TULP4: variants seen among roughly 807,000 people sequenced by gnomAD.
TULP4 encodes the protein TUB like protein 4, also known as tubby-related protein 4.
TULP4 carries 16 observed loss-of-function variants against 129.0 expected under a neutral mutation model. The ratio of observed to expected loss-of-function variants is 0.12; its 90% CI spans 0.08 to 0.19. TULP4 has a LOEUF of 0.19. TULP4 is among the 10% of genes least tolerant of loss of function. TULP4 has a pLI of 1.00. For missense variants in TULP4, 1,842 were observed against 2,059.1 expected, an observed-to-expected ratio of 0.89 and a Z score of 2.04; for synonymous variants, 998 against 854.0, an observed-to-expected ratio of 1.17 and a Z score of -2.94.
Position 158,313,703 on chromosome 6 carries a change from C to T in TULP4, c.-314C>T, listed in dbSNP as rs568283543. On this transcript the variant is annotated 5_prime_UTR_variant, in exon 1 of 14. The change creates a new upstream start codon in the 5' untranslated region. Coordinates refer to ENST00000367097, the MANE Select transcript of TULP4 (RefSeq NM_020245.5). ...CGTTTCTTGATCACCACTTAATTAACGATGCTCTTTCTCCAAAGGATCAGC... is the reference window on the plus strand; with the variant it reads ...CGTTTCTTGATCACCACTTAATTAATGATGCTCTTTCTCCAAAGGATCAGC... 33 of 466,904 alleles carry T rather than the reference C, an allele frequency of 7.1e-5. No individual in the cohort carries two copies. In the South Asian group the frequency reaches 1.6e-3, roughly 22 times the overall value. The allele number at this position is 466,904 out of a possible 1,614,324, so 28.9% of individuals were successfully genotyped here. A position where few individuals can be genotyped will look rare whatever the true frequency, so the allele number is the denominator to read the frequency against.
chr6:158,494,105 G>A (rs1055023694), intron 10 of TULP4, among the ~76,000 whole-genome samples: 2 of 152,012 alleles, frequency 1.3e-5, no homozygotes, highest in Admixed American at 6.6e-5. Flanking sequence ...CCTCCTCCTC[G>A]TTTCTGCCCC....
intron 3 of TULP4, among the ~76,000 whole-genome samples, chr6:158,446,529 C>CCT (rs551705088): frequency 1.8e-4 from 28 of 152,280 alleles, no homozygotes; most frequent in African/African-American, 6.7e-4. Context: ...ATTCAAAAGA[C>CCT]CTTTCAATGC....
intron 11 of TULP4, among the ~76,000 whole-genome samples, chr6:158,497,895 C>T (rs1008933177): frequency 6.6e-6 from 1 of 152,264 alleles, no homozygotes; most frequent in African/African-American, 2.4e-5. Context: ...TGCTACCTGT[C>T]TCACAGGAGA....
intron 5 of TULP4, among the ~76,000 whole-genome samples, chr6:158,453,402 T>C (rs570350225): frequency 1.4e-5 from 2 of 140,048 alleles, no homozygotes; most frequent in East Asian, 2.1e-4. Flanking sequence ...GAGAATGGCA[T>C]GAACCCGAGA....
chr6:158,269,978 GGAAAAAACAAAAACACTGAGTTTTT>G (rs1349788052), intron 1 of TULP4, among the ~76,000 whole-genome samples: 45 of 152,082 alleles, frequency 3.0e-4, no homozygotes, highest in African/African-American at 1.1e-3. Flanking sequence ...TCTAGATCTA[GGAAAAAACAAAAACACTGAGTTTTT>G]GAAAAGGCTA....
chr6:158,416,791 T>G (rs1344729546), intron 2 of TULP4, among the ~76,000 whole-genome samples: 2 of 152,224 alleles, frequency 1.3e-5, no homozygotes, highest in East Asian at 3.8e-4. Flanking sequence ...TCCTGCAAGC[T>G]CCATTCATGG....
chr6:158,243,139 A>G (rs1394904288), intron 1 of TULP4, among the ~76,000 whole-genome samples: 1 of 152,120 alleles, frequency 6.6e-6, no homozygotes, highest in African/African-American at 2.4e-5. Flanking sequence ...GTAATAAAGC[A>G]CTGTATCTTG....
chr6:158,426,075 T>G (rs1778484355), intron 2 of TULP4, among the ~76,000 whole-genome samples: 1 of 152,350 alleles, frequency 6.6e-6, no homozygotes, highest in Non-Finnish European at 1.5e-5. Context: ...TTAATGGGGT[T>G]GTTTTCTTGT....
intron 1 of TULP4, among the ~76,000 whole-genome samples, chr6:158,254,434 C>T (rs137942733): frequency 6.6e-6 from 1 of 152,174 alleles, no homozygotes; most frequent in Non-Finnish European, 1.5e-5. Flanking sequence ...TGAGCCACCA[C>T]ACCCAGCCCA....
At chr6:158,242,181 A>G (rs1777934147) in intron 1 of TULP4, 4 of 1,256,782 alleles carry the variant, frequency 3.2e-6, no homozygotes, top group Non-Finnish European at 4.6e-6. Flanking sequence ...CCTCAGTCTC[A>G]TCAGTGTCTT....
intron 1 of TULP4, among the ~76,000 whole-genome samples, chr6:158,356,224 T>TC (rs1198945070): frequency 6.6e-6 from 1 of 152,132 alleles, no homozygotes; most frequent in Non-Finnish European, 1.5e-5. Flanking sequence ...GATGAAATCA[T>TC]CCAAGCCACA....
chr6:158,320,958 C>T (rs187905215), intron 1 of TULP4, among the ~76,000 whole-genome samples: 1 of 152,134 alleles, frequency 6.6e-6, no homozygotes, highest in Non-Finnish European at 1.5e-5. Context: ...CTGCTTGCCT[C>T]GTTTGGTAAA....
chr6:158,307,538 G>C (rs1166769142), upstream of TULP4, among the ~76,000 whole-genome samples: 1 of 152,166 alleles, frequency 6.6e-6, no homozygotes, highest in East Asian at 1.9e-4. Flanking sequence ...CTAGAGTGCG[G>C]TGGTGTGATG....
chr6:158,399,974 C>T (rs117253855), intron 1 of TULP4, among the ~76,000 whole-genome samples: 2,059 of 152,288 alleles, frequency 0.014, 22 homozygotes, highest in Middle Eastern at 0.02. Flanking sequence ...TGTTGAGATC[C>T]CAGTGTTCAG....
intron 1 of TULP4, among the ~76,000 whole-genome samples, chr6:158,318,241 C>T (rs1779537245): frequency 6.6e-6 from 1 of 152,158 alleles, no homozygotes; most frequent in Non-Finnish European, 1.5e-5. Flanking sequence ...GGGAAGATTG[C>T]TTGAGCTTAG....
chr6:158,240,692 G>A (rs1270256835), intron 1 of TULP4, among the ~76,000 whole-genome samples: 1 of 118,346 alleles, frequency 8.4e-6, no homozygotes, highest in Non-Finnish European at 1.9e-5. Flanking sequence ...TGGCCAGGCG[G>A]GGGGCTGACC....
intron 1 of TULP4, among the ~76,000 whole-genome samples, chr6:158,390,713 T>C (rs1777565634): frequency 6.6e-6 from 1 of 152,212 alleles, no homozygotes. Flanking sequence ...AGAAAAGCAC[T>C]CTTCAGTGGT....
chr6:158,421,043 G>T (rs1489889126), intron 2 of TULP4, among the ~76,000 whole-genome samples: 3 of 152,100 alleles, frequency 2.0e-5, no homozygotes, highest in African/African-American at 7.2e-5. Flanking sequence ...GGAGAGGCGT[G>T]AGACATTAAT....
intron 1 of TULP4, chr6:158,242,879 G>T: frequency 5.2e-6 from 1 of 194,076 alleles, no homozygotes; most frequent in Non-Finnish European, 1.1e-5. Context: ...TCGCCTCCCG[G>T]GTTCAAGTGA....
Sources: gnomAD v4.1 joint callset for allele counts (sites outside exome capture counted in the v4.1 genomes callset) on GRCh38, gnomAD v4.1.1 for gene constraint, MANE v1.5 for transcripts, NCBI Gene and HGNC (gene_info 2026-07-23, HGNC 2026-07-21) for gene names.